The following LOXL2 variants were observed in gnomAD, a reference collection of about 807,000 sequenced individuals.
The protein encoded by LOXL2 is lysyl oxidase like 2, also known as lysyl oxidase homolog 2.
Under a neutral mutation model 93.0 loss-of-function variants are expected in LOXL2, and 70 were observed. That is an observed-to-expected ratio of 0.75 (90% CI 0.62 to 0.92). The LOEUF (loss-of-function observed/expected upper bound fraction) is 0.92. Among genes scored for constraint, LOXL2 ranks in the 40% least tolerant of loss-of-function variants. The pLI, the probability that LOXL2 is intolerant of heterozygous loss-of-function variation, is 0.00. For missense variants in LOXL2, 973 were observed against 1,054.9 expected, an observed-to-expected ratio of 0.92 and a Z score of 1.08; for synonymous variants, 438 against 413.2, an observed-to-expected ratio of 1.06 and a Z score of -0.73.
At chr8:23,350,264 A>G (rs1804070581) in intron 3 of LOXL2, among the ~76,000 whole-genome samples, 1 of 152,134 alleles carries the variant, frequency 6.6e-6, no homozygotes. Flanking sequence ...TGATGATCCA[A>G]TCAGAAACTC....
At chr8:23,341,232 G>A in intron 3 of LOXL2, 29 bp from the exon 4 acceptor site, 1 of 1,574,490 alleles carries the variant, frequency 6.4e-7, no homozygotes, top group Non-Finnish European at 8.7e-7. Context: ...GGAAGGAGAG[G>A]GTTACCCTAC....
intron 6 of LOXL2, among the ~76,000 whole-genome samples, chr8:23,324,180 A>C (rs1160376491): frequency 6.6e-6 from 1 of 152,232 alleles, no homozygotes; most frequent in Non-Finnish European, 1.5e-5. Context: ...TTAAGAGCCT[A>C]GCATGCTTCA....
intron 1 of LOXL2, among the ~76,000 whole-genome samples, chr8:23,384,439 A>T (rs73226411): frequency 0.12 from 18,448 of 152,216 alleles, 1,377 homozygotes; most frequent in Admixed American, 0.18. Context: ...CAGTTACTTC[A>T]GCAGAACCAA....
At chr8:23,367,264 G>C (rs1804417736) in intron 2 of LOXL2, among the ~76,000 whole-genome samples, 1 of 152,096 alleles carries the variant, frequency 6.6e-6, no homozygotes, top group Non-Finnish European at 1.5e-5. Context: ...GGCCAGGCTG[G>C]TCTCGAACTC....
chr8:23,315,676 G>C (rs1388750055), intron 9 of LOXL2, among the ~76,000 whole-genome samples: 2 of 152,152 alleles, frequency 1.3e-5, no homozygotes, highest in Non-Finnish European at 2.9e-5. Flanking sequence ...CTGGCTGCTA[G>C]GAAGCTCACT....
chr8:23,385,266 CAG>C (rs1209881700), intron 1 of LOXL2, among the ~76,000 whole-genome samples: 24 of 135,814 alleles, frequency 1.8e-4, no homozygotes, highest in African/African-American at 6.4e-4. Context: ...TTTTTTGAGA[CAG>C]AGCTTTTCAC....
intron 3 of LOXL2, among the ~76,000 whole-genome samples, chr8:23,346,547 C>T (rs1325800550): frequency 2.0e-5 from 3 of 152,228 alleles, no homozygotes; most frequent in African/African-American, 7.2e-5. Context: ...GCCTAAATGA[C>T]ATTTCATATT....
intron 8 of LOXL2, 46 bp from the exon 9 acceptor site, chr8:23,317,160 G>T (rs140003064): frequency 1.9e-6 from 3 of 1,582,200 alleles, no homozygotes; most frequent in Non-Finnish European, 2.6e-6. Context: ...ATCTCAAACT[G>T]TCACTTTCTC....
rs1563197368 is a variant in LOXL2 at position 23,346,106 on chromosome 8, TA to T, written c.532-4904del. 1.9e-4 allele frequency among the ~76,000 whole-genome samples: 11 copies of T among 59,130 alleles called. No individual in the cohort carries two copies. The East Asian group carries it at 2.1e-3, about 11-fold the overall frequency. 38.8% of individuals were successfully genotyped at this position (59,130 alleles called of 152,430 possible). ...AATAATAAAATAAAATAAAATAAAA[TA>T]AAATAAAATTAAAATAAAATAAAAT... On this transcript the variant is annotated intron_variant, in intron 3 of 13. Transcript: ENST00000389131.
At chr8:23,347,216 G>T (rs1352660955) in intron 3 of LOXL2, among the ~76,000 whole-genome samples, 1 of 151,168 alleles carries the variant, frequency 6.6e-6, no homozygotes, top group Non-Finnish European at 1.5e-5. Flanking sequence ...CACTAGCTGG[G>T]TATGGTGGTG....
chr8:23,308,822 G>T (rs1803273096), intron 10 of LOXL2, among the ~76,000 whole-genome samples: 1 of 152,126 alleles, frequency 6.6e-6, no homozygotes, highest in Non-Finnish European at 1.5e-5. Flanking sequence ...CGAGGTCCCA[G>T]GTGATGCCGC....
intron 9 of LOXL2, among the ~76,000 whole-genome samples, chr8:23,313,882 T>C: frequency 6.6e-6 from 1 of 150,488 alleles, no homozygotes; most frequent in Non-Finnish European, 1.5e-5. Context: ...GGAGAAAATT[T>C]TGGCAACCTA....
At chr8:23,346,663 G>A (rs1803993698) in intron 3 of LOXL2, among the ~76,000 whole-genome samples, 1 of 152,192 alleles carries the variant, frequency 6.6e-6, no homozygotes, top group South Asian at 2.1e-4. Flanking sequence ...AGTTGCATCA[G>A]GGAAAGGTAC....
At chr8:23,403,606 C>G (rs1280515217) in intron 1 of LOXL2, among the ~76,000 whole-genome samples, 1 of 152,152 alleles carries the variant, frequency 6.6e-6, no homozygotes, top group Non-Finnish European at 1.5e-5. Context: ...TGGAGCCACG[C>G]TGCACTCTCC....
chr8:23,341,346 G>C, intron 3 of LOXL2, 143 bp from the exon 4 acceptor site: 1 of 688,492 alleles, frequency 1.5e-6, no homozygotes, highest in Middle Eastern at 3.9e-4. Flanking sequence ...GTGAGCTCTG[G>C]GCAACCCCGA....
intron 1 of LOXL2, among the ~76,000 whole-genome samples, chr8:23,396,377 G>A (rs1418778925): frequency 6.6e-6 from 1 of 152,046 alleles, no homozygotes; most frequent in Non-Finnish European, 1.5e-5. Context: ...AGATCAGGTG[G>A]GAAGGGAAGG....
chr8:23,334,489 C>T (rs1421565956), intron 4 of LOXL2, among the ~76,000 whole-genome samples: 1 of 152,218 alleles, frequency 6.6e-6, no homozygotes, highest in Non-Finnish European at 1.5e-5. Flanking sequence ...AATCAAAGTA[C>T]AATCTGCCTA....
intron 12 of LOXL2, among the ~76,000 whole-genome samples, chr8:23,301,208 T>C (rs1409770185): frequency 6.6e-6 from 1 of 152,176 alleles, no homozygotes; most frequent in Non-Finnish European, 1.5e-5. Context: ...GAAAACGAGA[T>C]GGGTGAGGAC....
rs1272908010 is a variant in LOXL2 at position 23,332,356 on chromosome 8, TACAC to T, written c.966+1041_966+1044del. On this transcript the variant is annotated intron_variant, in intron 5 of 13. Transcript: ENST00000389131. ...ACCCCCACATACACCCCCACACTCA[TACAC>T]ACCCACACACACCCCACATACACAC... 6.1e-4 allele frequency among the ~76,000 whole-genome samples: 38 copies of T among 62,448 alleles called. 1 individual carries two copies. Among genetic ancestry groups the T allele is most frequent in the Middle Eastern group, 0.019 (1 of 54 alleles). The allele number at this position is 62,448 out of a possible 152,430, so 41.0% of individuals were successfully genotyped here.
Sources: gnomAD v4.1 joint callset for allele counts (sites outside exome capture counted in the v4.1 genomes callset) on GRCh38, gnomAD v4.1.1 for gene constraint, MANE v1.5 for transcripts, NCBI Gene and HGNC (gene_info 2026-07-23, HGNC 2026-07-21) for gene names.